ALG9: variants seen among roughly 807,000 people sequenced by gnomAD.
ALG9 encodes the protein ALG9 alpha-1,2-mannosyltransferase.
ALG9 carries 55 observed loss-of-function variants against 81.8 expected under a neutral mutation model. That is an observed-to-expected ratio of 0.67 (90% CI 0.54 to 0.84). The LOEUF (loss-of-function observed/expected upper bound fraction) is 0.84. ALG9 is among the 40% of genes least tolerant of loss of function. ALG9 has a pLI of 0.00. For synonymous variants in ALG9, 278 were observed against 274.3 expected (o/e 1.01, Z -0.13); for missense variants, 629 against 745.0 (o/e 0.84, Z 1.81).
At chr11:111,837,327 C>A (rs1955473538) in intron 12 of ALG9, 141 bp downstream of exon 12, 4 of 945,170 alleles carry the variant, frequency 4.2e-6, no homozygotes, top group Non-Finnish European at 6.4e-6. Flanking sequence ...AGTACACAGG[C>A]CCCACAGCTC....
At chr11:111,848,928 T>C (rs1957331222) in intron 8 of ALG9, among the ~76,000 whole-genome samples, 1 of 152,190 alleles carries the variant, frequency 6.6e-6, no homozygotes, top group African/African-American at 2.4e-5. Flanking sequence ...CTTTCCCCTG[T>C]AGCACATAAA....
chr11:111,846,631 G>C (rs1592251322), intron 8 of ALG9, among the ~76,000 whole-genome samples: 1 of 152,272 alleles, frequency 6.6e-6, no homozygotes, highest in South Asian at 2.1e-4. Context: ...TTATTTCCCT[G>C]AAAGATGGGG....
Position 111,782,631 on chromosome 11 carries a change from T to G in ALG9, c.*3766A>C, listed in dbSNP as rs192906840. ...TCAGAGAAAATAAAATTAACCAAAT[T>G]AAAAGCAGAGCTGCCTGATACTAGC... On this transcript the variant is annotated 3_prime_UTR_variant, in exon 15 of 15. Transcript: ENST00000616540. 6.6e-6 allele frequency: 1 copy of G among 152,348 alleles called. No homozygotes were observed. The highest frequency in any genetic ancestry group is 1.9e-4 in the East Asian group (1 of 5,182). 9.4% of individuals were successfully genotyped at this position (152,348 alleles called of 1,614,324 possible).
intron 14 of ALG9, among the ~76,000 whole-genome samples, chr11:111,788,195 C>T (rs1946754801): frequency 6.6e-6 from 1 of 152,184 alleles, no homozygotes; most frequent in African/African-American, 2.4e-5. Context: ...TTTGTACTGG[C>T]AGCCTAACCT....
At chr11:111,847,345 A>T (rs1246644856) in intron 8 of ALG9, among the ~76,000 whole-genome samples, 1 of 152,238 alleles carries the variant, frequency 6.6e-6, no homozygotes, top group South Asian at 2.1e-4. Flanking sequence ...GTATCGTCTG[A>T]AACTTTCCAT....
rs1555144740 is a variant in ALG9, at chr11:111,857,951, T to A, written c.566-214A>T. 5.9e-6 allele frequency: 3 copies of A among 511,166 alleles called. No homozygotes were observed. In the East Asian group the frequency reaches 1.3e-4, roughly 22 times the overall value. The allele number at this position is 511,166 out of a possible 1,614,324, so 31.7% of individuals were successfully genotyped here. A position where few individuals can be genotyped will look rare whatever the true frequency, so the allele number is the denominator to read the frequency against. Reference sequence around the variant, plus strand: ...CTCTTATTTTTCTCACTCCTGGTTTTTTTTTTTAGACGGAGTCTTGCTCTA... The same window carrying A: ...CTCTTATTTTTCTCACTCCTGGTTTATTTTTTTAGACGGAGTCTTGCTCTA... On this transcript the variant is annotated intron_variant, in intron 5 of 14. Transcript: ENST00000616540.
Position 111,871,428 on chromosome 11 carries a change from C to T in ALG9, c.55G>A (p.Asp19Asn). The change falls in exon 1 of 15, where the codon GAT becomes AAT. Residue 19 changes from aspartate (D) to asparagine (N), a missense_variant. By Grantham distance (23) the Asp-to-Asn change is conservative. Transcript: ENST00000616540. ...AGCTTGTCCGCAGCCGGGGCCGTAT[C>T]CCCACTGCTGGCCCCGCTGCCCTTC... ...RLKGSGASSG[D>N]TAPAADKLRE... 6.5e-7 allele frequency: 1 copy of T among 1,536,418 alleles called. No homozygotes were observed. Among genetic ancestry groups the T allele is most frequent in the Non-Finnish European group, 8.7e-7 (1 of 1,146,686 alleles).
At chr11:111,794,620 TCTC>T (rs1403415883) in intron 14 of ALG9, among the ~76,000 whole-genome samples, 1 of 151,946 alleles carries the variant, frequency 6.6e-6, no homozygotes, top group African/African-American at 2.4e-5. Flanking sequence ...TCTCTTCTCT[TCTC>T]CTCTCCTCTC....
chr11:111,818,134 A>G (rs1565823981), intron 13 of ALG9, among the ~76,000 whole-genome samples: 1 of 152,210 alleles, frequency 6.6e-6, no homozygotes, highest in Non-Finnish European at 1.5e-5. Context: ...TCAGTGAACT[A>G]AGGCTGCAGT....
At chr11:111,789,504 T>C (rs1004396303) in intron 14 of ALG9, among the ~76,000 whole-genome samples, 1 of 151,510 alleles carries the variant, frequency 6.6e-6, no homozygotes, top group Non-Finnish European at 1.5e-5. Flanking sequence ...CCTCCCAAAG[T>C]GTCAGGATTA....
At chr11:111,814,057 A>T (rs1951123313) in intron 13 of ALG9, among the ~76,000 whole-genome samples, 1 of 152,222 alleles carries the variant, frequency 6.6e-6, no homozygotes, top group Non-Finnish European at 1.5e-5. Flanking sequence ...TGCCTGCACC[A>T]AAAGAAAAGT....
At chr11:111,830,644 G>A (rs782674706) in intron 13 of ALG9, among the ~76,000 whole-genome samples, 4 of 152,026 alleles carry the variant, frequency 2.6e-5, no homozygotes, top group Admixed American at 6.6e-5. Flanking sequence ...CTTGATACCC[G>A]AGACTGATAA....
chr11:111,836,934 T>A (rs185527467), intron 12 of ALG9, among the ~76,000 whole-genome samples: 1 of 152,186 alleles, frequency 6.6e-6, no homozygotes, highest in Admixed American at 6.5e-5. Context: ...ACAGGACTCT[T>A]CTCTGGCCAA....
At chr11:111,811,764 G>A (rs562645840) in intron 13 of ALG9, among the ~76,000 whole-genome samples, 28 of 152,132 alleles carry the variant, frequency 1.8e-4, no homozygotes, top group Non-Finnish European at 3.1e-4. Context: ...ACATATATAC[G>A]ATTCCATTTA....
intron 9 of ALG9, among the ~76,000 whole-genome samples, chr11:111,842,238 T>G (rs905885127): frequency 2.5e-4 from 38 of 152,150 alleles, no homozygotes; most frequent in Admixed American, 3.3e-4. Context: ...AATCCACTTA[T>G]TGTCCACAAG....
intron 13 of ALG9, chr11:111,817,191 T>G (rs1951617658): frequency 6.6e-6 from 1 of 152,190 alleles, no homozygotes; most frequent in Admixed American, 6.5e-5. Flanking sequence ...CAGGAATCTA[T>G]TCTAGGTTTT....
chr11:111,778,869 C>T (rs1358937038), downstream of ALG9, among the ~76,000 whole-genome samples: 1 of 150,056 alleles, frequency 6.7e-6, no homozygotes, highest in Non-Finnish European at 1.5e-5. Context: ...GGCTGGAGTG[C>T]AAGGATGCTA....
At chr11:111,828,967 T>C (rs1326601770) in intron 13 of ALG9, 2 of 152,202 alleles carry the variant, frequency 1.3e-5, no homozygotes, top group East Asian at 1.9e-4. Flanking sequence ...ACTGTGACTA[T>C]TTTTAGCTTG....
intron 14 of ALG9, among the ~76,000 whole-genome samples, chr11:111,795,774 C>T (rs1319530754): frequency 2.6e-5 from 4 of 152,204 alleles, no homozygotes; most frequent in African/African-American, 9.7e-5. Flanking sequence ...AACATCATAA[C>T]CTTTTGATCA....
Sources: allele counts gnomAD v4.1 joint callset (sites outside exome capture counted in the v4.1 genomes callset), GRCh38; gene constraint gnomAD v4.1.1; transcripts MANE v1.5; gene names NCBI Gene and HGNC (gene_info 2026-07-23, HGNC 2026-07-21).